Variants in TRIM2 observed in about 807,000 individuals in gnomAD.
TRIM2 encodes the protein tripartite motif-containing protein 2.
Under a neutral mutation model 75.2 loss-of-function variants are expected in TRIM2, and 20 were observed. The ratio of observed to expected loss-of-function variants is 0.27; its 90% CI spans 0.19 to 0.39. The LOEUF (loss-of-function observed/expected upper bound fraction) is 0.39, where lower values mean the gene tolerates loss of function less well. Ranked by LOEUF, TRIM2 falls within the 10% of genes least tolerant of loss-of-function variation. The pLI is 1.00. For missense variants in TRIM2, 660 were observed against 990.8 expected, an observed-to-expected ratio of 0.67 and a Z score of 4.48; for synonymous variants, 373 against 388.3, an observed-to-expected ratio of 0.96 and a Z score of 0.46.
intron 1 of TRIM2, among the ~76,000 whole-genome samples, chr4:153,210,810 AAAAAGAAAATG>A (rs1736774786): frequency 6.6e-6 from 1 of 152,204 alleles, no homozygotes; most frequent in Admixed American, 6.5e-5. Flanking sequence ...TGGCCATTAC[AAAAAGAAAATG>A]AAAAGACCCC....
intron 1 of TRIM2, among the ~76,000 whole-genome samples, chr4:153,244,437 TTTA>T (rs1327777494): frequency 2.9e-5 from 3 of 102,520 alleles, no homozygotes; most frequent in African/African-American, 1.6e-4. Flanking sequence ...TTCTTCTTCT[TTTA>T]ATTAGAGAGG....
upstream of TRIM2, among the ~76,000 whole-genome samples, chr4:153,200,545 C>G (rs540162986): frequency 1.2e-4 from 19 of 152,058 alleles, no homozygotes; most frequent in South Asian, 4.0e-3. Context: ...TTTTGGGTAT[C>G]TATCCAGAAG....
intron 1 of TRIM2, among the ~76,000 whole-genome samples, chr4:153,239,756 C>T (rs1477239504): frequency 2.6e-5 from 4 of 151,668 alleles, no homozygotes; most frequent in East Asian, 1.9e-4. Context: ...CTCCTTTGTT[C>T]GTCTTTGCCT....
intron 6 of TRIM2, among the ~76,000 whole-genome samples, chr4:153,309,280 A>G (rs192684325): frequency 1.9e-3 from 290 of 152,194 alleles, no homozygotes; most frequent in African/African-American, 6.5e-3. Flanking sequence ...GATCAGGAGA[A>G]CCAGGTTTTA....
At chr4:153,220,642 G>T (rs1013895995) in intron 1 of TRIM2, among the ~76,000 whole-genome samples, 5 of 152,094 alleles carry the variant, frequency 3.3e-5, no homozygotes, top group Non-Finnish European at 7.4e-5. Flanking sequence ...ACTGTTCACA[G>T]TATATATACA....
chr4:153,170,941 C>T (rs1730792825), intron 1 of TRIM2, among the ~76,000 whole-genome samples: 1 of 152,206 alleles, frequency 6.6e-6, no homozygotes, highest in Admixed American at 6.5e-5. Flanking sequence ...CTATTATTAT[C>T]TTACTTTACA....
intron 11 of TRIM2, among the ~76,000 whole-genome samples, chr4:153,333,554 C>T (rs1021722566): frequency 6.6e-6 from 1 of 152,102 alleles, no homozygotes; most frequent in Non-Finnish European, 1.5e-5. Context: ...TTTGCCACTT[C>T]CTATGAATCT....
chr4:153,311,922 A>ATTTATTTAT (rs370049473), intron 6 of TRIM2, among the ~76,000 whole-genome samples: 27 of 144,660 alleles, frequency 1.9e-4, no homozygotes, highest in Admixed American at 5.5e-4. Context: ...TTATTTATTT[A>ATTTATTTAT]TTATTATTAT....
In TRIM2 at chr4:153,155,139, C is replaced by CA. The variant is rs200651439; in HGVS notation, c.-49+1878dup. On this transcript the variant is annotated intron_variant, in intron 1 of 11. Coordinates refer to the TRIM2 transcript ENST00000437508. The stretch of plus-strand genomic sequence containing the variant: ...TGGGCAACAGGGTGAGACTCCGTCT[C>CA]AAAAAAAAAGAAAGAAAGAAAAAAT... 8.5e-3 allele frequency among the ~76,000 whole-genome samples: 1,269 copies of CA among 150,006 alleles called. 12 individuals are homozygous for CA. Among genetic ancestry groups the CA allele is most frequent in the African/African-American group, 0.028 (1,126 of 40,832 alleles).
upstream of TRIM2, chr4:153,152,474 CT>C (rs1004754138): frequency 6.6e-5 from 10 of 150,512 alleles, no homozygotes; most frequent in Non-Finnish European, 1.0e-4. Context: ...CGGTGGAGTA[CT>C]TTACTTTGAT....
chr4:153,204,537 A>C lies in TRIM2; in HGVS notation c.7A>C (p.Arg3=). 1 of 1,551,726 alleles carries C rather than the reference A, an allele frequency of 6.4e-7. No homozygotes were observed. Among genetic ancestry groups the C allele is most frequent in the South Asian group, 1.2e-5 (1 of 84,060 alleles). The change falls in exon 1 of 12, where the codon AGG becomes CGG. Residue 3 remains arginine (R), a synonymous_variant. Transcript: ENST00000338700. Reference sequence around the variant, plus strand: ...AGGCTGGCTCTGGTCTTCGATGCACAGGAGTGGCCGTTATGGAACGCAGGT... The same window carrying C: ...AGGCTGGCTCTGGTCTTCGATGCACCGGAGTGGCCGTTATGGAACGCAGGT... The part of the protein sequence containing the change: MH[R]SGRYGTQQQR...
In TRIM2 at chr4:153,295,247, G is replaced by C; in HGVS notation, c.787-66G>C. 5 of 1,453,868 alleles carry C rather than the reference G, an allele frequency of 3.4e-6. No individual in the cohort carries two copies. Among genetic ancestry groups the C allele is most frequent in the Admixed American group, 5.4e-5 (2 of 36,894 alleles). The allele number at this position is 1,453,868 out of a possible 1,614,324, so 90.1% of individuals were successfully genotyped here. A position where few individuals can be genotyped will look rare whatever the true frequency, so the allele number is the denominator to read the frequency against. ...GTAGAGTCTCCTTCTCGCCGGTGGAGGGCACTGCCCCGGGCTAGGCCCCGC... is the reference window on the plus strand; with the variant it reads ...GTAGAGTCTCCTTCTCGCCGGTGGACGGCACTGCCCCGGGCTAGGCCCCGC... On this transcript the variant is annotated intron_variant, in intron 5 of 11. Transcript: ENST00000338700. This position sits in a 1 kb window ranked among gnomAD's most constrained non-coding sequence, Gnocchi z 7.2.
chr4:153,338,490 A>G lies in TRIM2; in HGVS notation c.*3524A>G, dbSNP rs1486594858. On this transcript the variant is annotated 3_prime_UTR_variant, in exon 12 of 12. Coordinates refer to ENST00000338700, the MANE Select transcript of TRIM2 (RefSeq NM_015271.5). ...ATTTAGCTTAAAAGTGAAAGTGGTA[A>G]TACTGTTGGTTTCTGTAAATGTTGC... 2.0e-6 allele frequency: 2 copies of G among 985,410 alleles called. No homozygotes were observed. Among genetic ancestry groups the G allele is most frequent in the Non-Finnish European group, 2.4e-6 (2 of 829,680 alleles). The allele number at this position is 985,410 out of a possible 1,614,324, so 61.0% of individuals were successfully genotyped here.
At chr4:153,200,501 T>C (rs1301136347), upstream of TRIM2, among the ~76,000 whole-genome samples, 3 of 152,288 alleles carry the variant, frequency 2.0e-5, no homozygotes, top group East Asian at 3.9e-4. Context: ...ATATGGGATG[T>C]ACACGTATTT....
chr4:153,313,599 G>C (rs1301759587), intron 6 of TRIM2, among the ~76,000 whole-genome samples: 1 of 147,656 alleles, frequency 6.8e-6, no homozygotes, highest in African/African-American at 2.5e-5. Flanking sequence ...GCACTGCATT[G>C]ATGTCGAAAA....
upstream of TRIM2, among the ~76,000 whole-genome samples, chr4:153,202,730 A>G (rs1341381861): frequency 2.0e-5 from 3 of 149,920 alleles, no homozygotes; most frequent in African/African-American, 7.4e-5. Context: ...TCATATAAGG[A>G]AAAAAAGCCC....
At chr4:153,315,149 GA>G (rs1435153343) in intron 6 of TRIM2, among the ~76,000 whole-genome samples, 1 of 152,168 alleles carries the variant, frequency 6.6e-6, no homozygotes, top group Non-Finnish European at 1.5e-5. Context: ...GGTAAAGTGG[GA>G]AAGCCATGTC....
intron 1 of TRIM2, among the ~76,000 whole-genome samples, chr4:153,212,988 C>T (rs1041795876): frequency 1.3e-5 from 2 of 152,152 alleles, no homozygotes; most frequent in African/African-American, 4.8e-5. Flanking sequence ...CATGTACTTT[C>T]ACAGCTACTG....
intron 1 of TRIM2, among the ~76,000 whole-genome samples, chr4:153,191,025 C>T (rs560887151): frequency 4.6e-5 from 7 of 152,284 alleles, no homozygotes; most frequent in African/African-American, 1.4e-4. Flanking sequence ...CGTGAGCCAC[C>T]GCGCCCAGCC....
Sources: gnomAD v4.1 joint callset for allele counts (sites outside exome capture counted in the v4.1 genomes callset) on GRCh38, gnomAD v4.1.1 for gene constraint, Gnocchi (gnomAD v3.1) non-coding constraint, MANE v1.5 for transcripts, NCBI Gene and HGNC (gene_info 2026-07-23, HGNC 2026-07-21) for gene names.